FYB1: variants seen among roughly 807,000 people sequenced by gnomAD.
The protein encoded by FYB1 is FYN-binding protein 1.
A neutral mutation model predicts 94.1 loss-of-function variants in FYB1; 41 were observed. The observed-to-expected ratio is 0.44, with a 90% CI of 0.34 to 0.57. FYB1 has a LOEUF of 0.57. FYB1 is among the 20% of genes least tolerant of loss of function. FYB1 has a pLI of 0.02. For synonymous variants in FYB1, 367 were observed against 353.2 expected, an observed-to-expected ratio of 1.04 and a Z score of -0.44; for missense variants, 1,050 against 976.8, an observed-to-expected ratio of 1.07 and a Z score of -1.00.
chr5:39,235,705 AATG>A (rs1462889292), intron 1 of FYB1, among the ~76,000 whole-genome samples: 1 of 152,056 alleles, frequency 6.6e-6, no homozygotes, highest in Non-Finnish European at 1.5e-5. Context: ...TGAGTGAATA[AATG>A]ATGAATGAAA....
intron 2 of FYB1, among the ~76,000 whole-genome samples, chr5:39,162,036 T>C (rs1422939751): frequency 6.6e-6 from 1 of 152,254 alleles, no homozygotes; most frequent in African/African-American, 2.4e-5. Context: ...TACTATCTTA[T>C]GGCTGAATCA....
chr5:39,108,650 T>C (rs1378741272), intron 17 of FYB1, among the ~76,000 whole-genome samples: 4 of 152,090 alleles, frequency 2.6e-5, no homozygotes, highest in Admixed American at 2.0e-4. Context: ...GAATTTCGAA[T>C]GGTGAATTAA....
chr5:39,244,741 T>G (rs1289278107), intron 1 of FYB1, among the ~76,000 whole-genome samples: 1 of 152,220 alleles, frequency 6.6e-6, no homozygotes, highest in African/African-American at 2.4e-5. Context: ...GTACCTCTGG[T>G]AGAATTCGGC....
chr5:39,248,491 T>C, intron 1 of FYB1, among the ~76,000 whole-genome samples: 1 of 152,024 alleles, frequency 6.6e-6, no homozygotes, highest in Non-Finnish European at 1.5e-5. Flanking sequence ...ACATATGCTA[T>C]AACATGGAGA....
chr5:39,170,185 C>A (rs1745118913), intron 2 of FYB1: 1 of 797,994 alleles, frequency 1.3e-6, no homozygotes. Flanking sequence ...TGTATTTGAA[C>A]TTCTGTGAAG....
intron 2 of FYB1, among the ~76,000 whole-genome samples, chr5:39,174,849 AAG>A (rs530501760): frequency 3.7e-4 from 56 of 152,320 alleles, no homozygotes; most frequent in African/African-American, 1.3e-3. Flanking sequence ...TCTAAGATGA[AAG>A]AGGAAGCTAA....
chr5:39,219,629 C>T (rs1750141585), upstream of FYB1: 1 of 984,812 alleles, frequency 1.0e-6, no homozygotes, highest in Non-Finnish European at 1.2e-6. Flanking sequence ...ACCTCCCTCC[C>T]CTGACCAGGC....
At chr5:39,157,497 C>T (rs1012707583) in intron 2 of FYB1, among the ~76,000 whole-genome samples, 2 of 152,008 alleles carry the variant, frequency 1.3e-5, no homozygotes, top group Non-Finnish European at 2.9e-5. Flanking sequence ...AGGAAATAGG[C>T]TCTTAAAGAT....
intron 2 of FYB1, among the ~76,000 whole-genome samples, chr5:39,198,331 T>C (rs933548106): frequency 6.6e-6 from 1 of 152,208 alleles, no homozygotes; most frequent in Admixed American, 6.5e-5. Context: ...CTAGGCTCTG[T>C]ACCATTAATA....
chr5:39,177,096 C>G (rs1050182074), intron 2 of FYB1, among the ~76,000 whole-genome samples: 4 of 152,198 alleles, frequency 2.6e-5, no homozygotes, highest in Admixed American at 6.5e-5. Context: ...TAGAATATAA[C>G]TTTTTGATGG....
chr5:39,111,535 T>G (rs1000528715), intron 16 of FYB1, among the ~76,000 whole-genome samples: 10 of 151,756 alleles, frequency 6.6e-5, no homozygotes, highest in African/African-American at 2.4e-4. Context: ...ACATTAAAAT[T>G]TAAGAAAATG....
chr5:39,260,984 C>T (rs1345651609), intron 1 of FYB1, among the ~76,000 whole-genome samples: 1 of 151,950 alleles, frequency 6.6e-6, no homozygotes, highest in Non-Finnish European at 1.5e-5. Context: ...ATTAAATGGG[C>T]AATTACCCTG....
intron 2 of FYB1, among the ~76,000 whole-genome samples, chr5:39,192,905 C>T (rs1371667996): frequency 6.6e-6 from 1 of 152,210 alleles, no homozygotes; most frequent in Non-Finnish European, 1.5e-5. Context: ...TCTCATAGGC[C>T]AGCTCCAGGG....
At chr5:39,199,137 T>G (rs951685583) in intron 2 of FYB1, among the ~76,000 whole-genome samples, 1 of 151,756 alleles carries the variant, frequency 6.6e-6, no homozygotes, top group African/African-American at 2.4e-5. Flanking sequence ...AATTATTTAT[T>G]TTCTACTTAC....
rs192029225 is a variant in FYB1, at chr5:39,184,619, T to C, written c.1135+17207A>G. ...AATTTCATATTTGCAGAATATGCTA[T>C]TGAATATGTTACTGCTATTGAAAAC... is the stretch of plus-strand genomic sequence containing the variant. On this transcript the variant is annotated intron_variant, in intron 2 of 18. Transcript: ENST00000512982. Among the ~76,000 whole-genome samples the C allele has an allele frequency of 2.0e-5, 3 of 152,324 alleles. No homozygotes were observed. The East Asian group carries it at 5.8e-4, about 29-fold the overall frequency.
chr5:39,168,724 C>T (rs780149140), intron 2 of FYB1, among the ~76,000 whole-genome samples: 5 of 152,052 alleles, frequency 3.3e-5, no homozygotes, highest in Non-Finnish European at 5.9e-5. Flanking sequence ...TGCATATAAT[C>T]GTGTATAAAG....
intron 1 of FYB1, among the ~76,000 whole-genome samples, chr5:39,213,202 AAT>A (rs973700090): frequency 3.9e-5 from 6 of 152,290 alleles, no homozygotes; most frequent in African/African-American, 1.4e-4. Flanking sequence ...TAGTGTTATT[AAT>A]ATATAACCTT....
intron 1 of FYB1, among the ~76,000 whole-genome samples, chr5:39,238,637 C>T (rs538086570): frequency 7.9e-5 from 12 of 152,128 alleles, no homozygotes; most frequent in Non-Finnish European, 1.3e-4. Flanking sequence ...AAAAGAGCCC[C>T]AAGCCCTCAA....
intron 2 of FYB1, among the ~76,000 whole-genome samples, chr5:39,197,169 G>GA (rs1747907716): frequency 6.6e-6 from 1 of 152,074 alleles, no homozygotes; most frequent in Admixed American, 6.6e-5. Context: ...CTTCTAACAA[G>GA]AAAAAATAGT....
Sources: gnomAD v4.1 joint callset for allele counts (sites outside exome capture counted in the v4.1 genomes callset) on GRCh38, gnomAD v4.1.1 for gene constraint, MANE v1.5 for transcripts, NCBI Gene and HGNC (gene_info 2026-07-23, HGNC 2026-07-21) for gene names.